Variants in ATL2 observed in about 807,000 individuals in gnomAD.
ATL2 encodes atlastin GTPase 2, also known as atlastin-2.
A neutral mutation model predicts 73.9 loss-of-function variants in ATL2; 31 were observed. The ratio of observed to expected loss-of-function variants is 0.42; its 90% CI spans 0.32 to 0.57. ATL2 has a LOEUF of 0.57. ATL2 is among the 20% of genes least tolerant of loss of function. The pLI, the probability that ATL2 is intolerant of heterozygous loss-of-function variation, is 0.14. For synonymous variants in ATL2, 291 were observed against 237.5 expected (o/e 1.23, Z -2.07); for missense variants, 738 against 702.6 (o/e 1.05, Z -0.57).
At chr2:38,308,611 G>A (rs1006732285) in intron 9 of ATL2, among the ~76,000 whole-genome samples, 2 of 151,984 alleles carry the variant, frequency 1.3e-5, no homozygotes, top group Non-Finnish European at 2.9e-5. Flanking sequence ...TAATTGGATT[G>A]TCTGTAACAT....
At chr2:38,365,178 CACACACACACAAAT>C (rs991916260) in intron 1 of ATL2, among the ~76,000 whole-genome samples, 1 of 150,728 alleles carries the variant, frequency 6.6e-6, no homozygotes, top group Non-Finnish European at 1.5e-5. Context: ...TACACACACA[CACACACACACAAAT>C]ACACACACAC....
chr2:38,356,638 A>T (rs1670685190), intron 1 of ATL2, among the ~76,000 whole-genome samples: 1 of 152,252 alleles, frequency 6.6e-6, no homozygotes, highest in Non-Finnish European at 1.5e-5. Flanking sequence ...CATGTATAAA[A>T]GTTGTTCCAA....
At chr2:38,334,424 G>A (rs948547772) in intron 2 of ATL2, among the ~76,000 whole-genome samples, 4 of 151,702 alleles carry the variant, frequency 2.6e-5, no homozygotes, top group South Asian at 2.1e-4. Context: ...GGTCAAGGCC[G>A]GGCACGGTGG....
intron 4 of ATL2, among the ~76,000 whole-genome samples, chr2:38,316,309 A>G (rs1668021034): frequency 6.6e-6 from 1 of 152,220 alleles, no homozygotes; most frequent in African/African-American, 2.4e-5. Context: ...AGATTTTAAC[A>G]TAAACCCTGA....
intron 1 of ATL2, among the ~76,000 whole-genome samples, chr2:38,365,804 A>T (rs1184006259): frequency 1.3e-5 from 2 of 151,776 alleles, no homozygotes; most frequent in African/African-American, 2.4e-5. Context: ...AAAATTCGCC[A>T]GGTGTGGTGG....
At chr2:38,357,862 C>G (rs1015118545) in intron 1 of ATL2, among the ~76,000 whole-genome samples, 3 of 152,090 alleles carry the variant, frequency 2.0e-5, no homozygotes, top group Non-Finnish European at 4.4e-5. Flanking sequence ...ATCACTCCCA[C>G]AGGCTTTATA....
intron 1 of ATL2, among the ~76,000 whole-genome samples, chr2:38,352,611 T>C (rs886684833): frequency 6.6e-6 from 1 of 152,158 alleles, no homozygotes; most frequent in Admixed American, 6.5e-5. Flanking sequence ...CACAACACTA[T>C]GCAATGCTTA....
intron 1 of ATL2, among the ~76,000 whole-genome samples, chr2:38,361,167 C>T (rs1356381497): frequency 2.6e-5 from 4 of 151,678 alleles, no homozygotes; most frequent in Non-Finnish European, 4.4e-5. Context: ...TCCTGGCTAA[C>T]GTGGTGAAAC....
chr2:38,314,656 T>C lies in ATL2; in HGVS notation c.663A>G (p.Thr221=). ...EDDLQHLQLF[T]EYGRLAMEEI... ...CTTCCATCGCAAGTCTTCCATACTC[T>C]GTAAATAACTATTAAATAGAGTTAG... Residue 221 remains threonine (T), a synonymous_variant, in exon 6 of 13, where the codon ACA becomes ACG. Transcript: ENST00000378954. 1 of 1,588,858 alleles carries C rather than the reference T, an allele frequency of 6.3e-7. No individual in the cohort carries two copies. Among genetic ancestry groups the C allele is most frequent in the Non-Finnish European group, 8.6e-7 (1 of 1,158,166 alleles).
chr2:38,367,073 G>A (rs968167483), intron 1 of ATL2, among the ~76,000 whole-genome samples: 3 of 151,828 alleles, frequency 2.0e-5, no homozygotes, highest in Non-Finnish European at 4.4e-5. Flanking sequence ...TGCAGCCTCA[G>A]CCTCCCAAAG....
At chr2:38,368,801 G>C (rs1671498991) in intron 1 of ATL2, among the ~76,000 whole-genome samples, 1 of 152,086 alleles carries the variant, frequency 6.6e-6, no homozygotes, top group Non-Finnish European at 1.5e-5. Context: ...TTAATAAAAA[G>C]AAGTCAGAGC....
chr2:38,335,466 T>C (rs1183222157), intron 2 of ATL2, among the ~76,000 whole-genome samples: 3 of 152,172 alleles, frequency 2.0e-5, no homozygotes, highest in Non-Finnish European at 4.4e-5. Context: ...CCTTAATGCT[T>C]AGTGAAAGAA....
chr2:38,358,375 A>C (rs1288716572), intron 1 of ATL2: 1 of 154,588 alleles, frequency 6.5e-6, no homozygotes, highest in African/African-American at 2.4e-5. Flanking sequence ...TACATAAAAC[A>C]ATCTCTACTT....
At chr2:38,362,383 C>T (rs1258320641) in intron 1 of ATL2, among the ~76,000 whole-genome samples, 1 of 152,172 alleles carries the variant, frequency 6.6e-6, no homozygotes, top group Non-Finnish European at 1.5e-5. Flanking sequence ...TATCATGGGC[C>T]TATGACTGAG....
At chr2:38,345,852 G>A (rs1669986901) in intron 1 of ATL2, among the ~76,000 whole-genome samples, 2 of 152,184 alleles carry the variant, frequency 1.3e-5, no homozygotes, top group South Asian at 2.1e-4. Context: ...TTTCTCATCT[G>A]GAAAATGGGT....
chr2:38,376,072 C>T (rs531842855), intron 1 of ATL2: 2 of 1,401,268 alleles, frequency 1.4e-6, no homozygotes, highest in African/African-American at 1.4e-5. Context: ...GACACGAGCT[C>T]GTATCTGTAT....
At chr2:38,330,713 T>C (rs982744259) in intron 2 of ATL2, among the ~76,000 whole-genome samples, 4 of 152,094 alleles carry the variant, frequency 2.6e-5, no homozygotes, top group Admixed American at 6.5e-5. Flanking sequence ...TCAAAAACTA[T>C]AAAAAAATGT....
chr2:38,343,876 G>A (rs974883008), intron 1 of ATL2, among the ~76,000 whole-genome samples: 2 of 152,088 alleles, frequency 1.3e-5, no homozygotes, highest in African/African-American at 4.8e-5. Flanking sequence ...TTTATAAGAG[G>A]TTTCCCTGCA....
chr2:38,349,336 T>A (rs1573546763), intron 1 of ATL2, among the ~76,000 whole-genome samples: 1 of 151,410 alleles, frequency 6.6e-6, no homozygotes. Context: ...TGGAATACTA[T>A]GCAGCCATAA....
Sources: gnomAD v4.1 joint callset for allele counts (sites outside exome capture counted in the v4.1 genomes callset) on GRCh38, gnomAD v4.1.1 for gene constraint, MANE v1.5 for transcripts, NCBI Gene and HGNC (gene_info 2026-07-23, HGNC 2026-07-21) for gene names.